The following ASAP3 variants were observed in gnomAD, a reference collection of about 807,000 sequenced individuals.
ASAP3 encodes the protein arf-GAP with SH3 domain, ANK repeat and PH domain-containing protein 3.
ASAP3 carries 85 observed loss-of-function variants against 118.2 expected under a neutral mutation model. That is an observed-to-expected ratio of 0.72 (90% CI 0.60 to 0.86). The LOEUF is 0.86. Among genes scored for constraint, ASAP3 ranks in the 40% least tolerant of loss-of-function variants. ASAP3 has a pLI of 0.00. For missense variants in ASAP3, 1,026 were observed against 1,175.0 expected (o/e 0.87, Z 1.85); for synonymous variants, 432 against 477.4 (o/e 0.90, Z 1.24).
chr1:23,466,806 C>T (rs1641783296), intron 1 of ASAP3, among the ~76,000 whole-genome samples: 1 of 152,208 alleles, frequency 6.6e-6, no homozygotes, highest in Non-Finnish European at 1.5e-5. Context: ...TTCCTTTGGA[C>T]CATTATAATA....
rs996949358 is a variant in ASAP3 at position 23,434,202 on chromosome 1, A to G, written c.1951+52T>C. The G allele has an allele frequency of 2.4e-5, 37 of 1,571,446 alleles. No homozygotes were observed. In the African/African-American group the frequency reaches 3.2e-4, roughly 14 times the overall value. ...GAGCCCGAGACCATCGGAAGTCCACATAAGGGGTAGTCAGGAATAGGAGTC... is the reference window on the plus strand; with the variant it reads ...GAGCCCGAGACCATCGGAAGTCCACGTAAGGGGTAGTCAGGAATAGGAGTC... On this transcript the variant is annotated intron_variant, in intron 19 of 24. Transcript: ENST00000336689.
intron 1 of ASAP3, among the ~76,000 whole-genome samples, chr1:23,458,799 A>G (rs549808563): frequency 1.5e-3 from 235 of 152,248 alleles, no homozygotes; most frequent in Non-Finnish European, 2.7e-3. Context: ...CTTGATCCCC[A>G]TCTTGAAACC....
rs1177797265 is a variant in ASAP3, at chr1:23,442,245, C to G, written c.612G>C (p.Gln204His). Residue 204 changes from glutamine to histidine, a missense_variant, in exon 7 of 25, where the codon CAG becomes CAC. Gln to His is a conservative substitution (Grantham distance 24). Transcript: ENST00000336689. ...GAAGGAAGTCAGGACCTTGCTTCAT[C>G]TGGCTCTCCCCGGCTTTGAGCAGAT... ...CEYLLKAGES[Q>H]MKQGPDFLQS... 1 of 1,606,810 alleles carries G rather than the reference C, an allele frequency of 6.2e-7. No individual in the cohort carries two copies. Among genetic ancestry groups the G allele is most frequent in the Non-Finnish European group, 8.5e-7 (1 of 1,177,198 alleles).
chr1:23,448,634 T>TATC (rs1294237719), intron 5 of ASAP3, among the ~76,000 whole-genome samples: 3 of 151,738 alleles, frequency 2.0e-5, no homozygotes, highest in African/African-American at 7.3e-5. Context: ...GTATTATTAT[T>TATC]ATCAATTTTT....
chr1:23,456,076 G>A (rs758949442), intron 2 of ASAP3, 46 bp downstream of exon 2: 3 of 1,614,080 alleles, frequency 1.9e-6, no homozygotes, highest in Non-Finnish European at 2.5e-6. Context: ...CTGGGGCTGG[G>A]AGAGGGGCTT....
chr1:23,480,151 G>C (rs966901745), intron 1 of ASAP3: 1 of 152,170 alleles, frequency 6.6e-6, no homozygotes, highest in Non-Finnish European at 1.5e-5. Context: ...GACAGAGTGA[G>C]ACCCTGTCTC....
chr1:23,432,674 T>C (rs1393628241), intron 22 of ASAP3, among the ~76,000 whole-genome samples: 2 of 152,218 alleles, frequency 1.3e-5, no homozygotes, highest in Non-Finnish European at 2.9e-5. Context: ...TCCTTGTCCT[T>C]TTGGGATTTA....
chr1:23,439,986 T>C (rs1168568025), intron 10 of ASAP3, among the ~76,000 whole-genome samples: 1 of 151,940 alleles, frequency 6.6e-6, no homozygotes, highest in Non-Finnish European at 1.5e-5. Context: ...AGCTAATTTT[T>C]TGTATTTTTA....
chr1:23,469,715 G>C (rs1641899485), intron 1 of ASAP3, among the ~76,000 whole-genome samples: 1 of 152,088 alleles, frequency 6.6e-6, no homozygotes, highest in Non-Finnish European at 1.5e-5. Flanking sequence ...TTTGTTACCT[G>C]GCCTATTCCT....
chr1:23,442,476 C>T, intron 6 of ASAP3, 25 bp downstream of exon 6: 1 of 1,608,560 alleles, frequency 6.2e-7, no homozygotes, highest in Non-Finnish European at 8.5e-7. Context: ...CACGCCCCCC[C>T]TCCCTCATCC....
chr1:23,458,906 C>T (rs1019071357), intron 1 of ASAP3, among the ~76,000 whole-genome samples: 1 of 152,072 alleles, frequency 6.6e-6, no homozygotes, highest in African/African-American at 2.4e-5. Context: ...CACAGTGGCT[C>T]ACGCCTGTAA....
intron 10 of ASAP3, among the ~76,000 whole-genome samples, chr1:23,440,500 C>CAAAAAAA (rs35344912): frequency 2.9e-4 from 7 of 24,316 alleles, no homozygotes; most frequent in African/African-American, 6.2e-4. Flanking sequence ...GACTCCATCT[C>CAAAAAAA]AAAAAAAAAA....
At chr1:23,474,384 G>T (rs188909213) in intron 1 of ASAP3, among the ~76,000 whole-genome samples, 4 of 152,024 alleles carry the variant, frequency 2.6e-5, no homozygotes, top group Admixed American at 1.3e-4. Context: ...CCTTCTCCTC[G>T]GAACACTTCT....
rs965548887 is a variant in ASAP3 at position 23,429,123 on chromosome 1, T to C, written c.*733A>G. On this transcript the variant is annotated 3_prime_UTR_variant, in exon 25 of 25. Transcript: ENST00000336689. Reference sequence around the variant, plus strand: ...ATATAGGAGAATGCCTAGGGAAGGCTGTGCTGTCCCTCAAAAGGAGTGACA... The same window carrying C: ...ATATAGGAGAATGCCTAGGGAAGGCCGTGCTGTCCCTCAAAAGGAGTGACA... 1 of 153,062 alleles carries C rather than the reference T, an allele frequency of 6.5e-6. No homozygotes were observed. The highest frequency in any genetic ancestry group is 1.5e-5 in the Non-Finnish European group (1 of 68,226). The allele number at this position is 153,062 out of a possible 1,614,324, so 9.5% of individuals were successfully genotyped here.
At chr1:23,473,281 C>A (rs1427417451) in intron 1 of ASAP3, among the ~76,000 whole-genome samples, 1 of 152,226 alleles carries the variant, frequency 6.6e-6, no homozygotes, top group African/African-American at 2.4e-5. Context: ...CTGGGTGTAG[C>A]CCGCAGCAGC....
intron 5 of ASAP3, among the ~76,000 whole-genome samples, chr1:23,449,551 A>G (rs939372382): frequency 1.3e-5 from 2 of 152,138 alleles, no homozygotes; most frequent in African/African-American, 2.4e-5. Flanking sequence ...GTGAAATTAC[A>G]TAGGAACTTA....
At chr1:23,442,670 T>C in intron 5 of ASAP3, 58 bp from the exon 6 acceptor site, 1 of 1,573,502 alleles carries the variant, frequency 6.4e-7, no homozygotes, top group South Asian at 1.2e-5. Context: ...TATCCTCTTC[T>C]GCCAAGGATG....
chr1:23,467,803 A>G (rs936569788), intron 1 of ASAP3, among the ~76,000 whole-genome samples: 11 of 151,934 alleles, frequency 7.2e-5, no homozygotes, highest in Non-Finnish European at 1.5e-4. Flanking sequence ...TACAAAAAAA[A>G]TTAGCTGGGT....
chr1:23,463,628 A>C (rs765346983), intron 1 of ASAP3, among the ~76,000 whole-genome samples: 3 of 152,084 alleles, frequency 2.0e-5, no homozygotes, highest in Admixed American at 6.5e-5. Context: ...TTGAGATGGA[A>C]TCTCGCCCTG....
Sources: allele counts gnomAD v4.1 joint callset (sites outside exome capture counted in the v4.1 genomes callset), GRCh38; gene constraint gnomAD v4.1.1; transcripts MANE v1.5; gene names NCBI Gene and HGNC (gene_info 2026-07-23, HGNC 2026-07-21).